The following SORBS2 variants were observed in gnomAD, a reference collection of about 807,000 sequenced individuals.
SORBS2 encodes sorbin and SH3 domain-containing protein 2.
A neutral mutation model predicts 97.7 loss-of-function variants in SORBS2; 46 were observed. The ratio of observed to expected loss-of-function variants is 0.47; its 90% confidence interval spans 0.37 to 0.60. The LOEUF is 0.60. Ranked by LOEUF, SORBS2 falls within the 20% of genes least tolerant of loss-of-function variation. The probability of loss-of-function intolerance (pLI) is 0.00; values close to 1 mark genes in which losing one functional copy is unlikely to be tolerated. For missense variants in SORBS2, 1,316 were observed against 1,282.3 expected (o/e 1.03, Z -0.40); for synonymous variants, 476 against 473.4 (o/e 1.01, Z -0.07).
intron 2 of SORBS2, among the ~76,000 whole-genome samples, chr4:185,760,099 G>A (rs760431379): frequency 6.6e-5 from 10 of 152,058 alleles, no homozygotes; most frequent in Non-Finnish European, 1.3e-4. Context: ...ACAGATTCTC[G>A]TTCTCCATCC....
At chr4:185,726,933 G>A (rs2098557802) in intron 2 of SORBS2, among the ~76,000 whole-genome samples, 4 of 152,114 alleles carry the variant, frequency 2.6e-5, no homozygotes, top group Admixed American at 2.6e-4. Context: ...GGAACATAGG[G>A]TCCTGTGGGT....
rs1375739386 is a variant in SORBS2 at position 185,638,300 on chromosome 4, G to A, written c.397-7702C>T. On this transcript the variant is annotated intron_variant, in intron 4 of 14. Transcript: ENST00000418609. ...TCTCACCCCACGAACCTCAGCAGGA[G>A]AGAACGGAGGAAGTAAAGTAAAACG... The A allele has an allele frequency of 4.6e-6, 3 of 655,508 alleles. No homozygotes were observed. The African/African-American group carries it at 5.4e-5, about 12-fold the overall frequency. The allele number at this position is 655,508 out of a possible 1,614,324, so 40.6% of individuals were successfully genotyped here. A position where few individuals can be genotyped will look rare whatever the true frequency, so the allele number is the denominator to read the frequency against.
intron 2 of SORBS2, among the ~76,000 whole-genome samples, chr4:185,715,522 A>T (rs1020200412): frequency 1.3e-5 from 2 of 152,160 alleles, no homozygotes; most frequent in South Asian, 2.1e-4. Context: ...CTGAAAATTT[A>T]AAATCAGAAA....
chr4:185,595,308 TAA>T (rs950467925), intron 12 of SORBS2, among the ~76,000 whole-genome samples: 6 of 152,294 alleles, frequency 3.9e-5, no homozygotes, highest in Admixed American at 2.6e-4. Context: ...AATTATGACT[TAA>T]GAGTGAAATA....
intron 1 of SORBS2, among the ~76,000 whole-genome samples, chr4:185,940,955 G>C (rs565235655): frequency 6.6e-6 from 1 of 152,226 alleles, no homozygotes; most frequent in South Asian, 2.1e-4. Context: ...GTTACTGGGA[G>C]TTGCTACTGG....
intron 1 of SORBS2, among the ~76,000 whole-genome samples, chr4:185,927,120 T>C (rs1355742407): frequency 1.3e-5 from 2 of 149,282 alleles, no homozygotes; most frequent in African/African-American, 4.9e-5. Context: ...GAATATTATA[T>C]GTATATAAAA....
At chr4:185,926,767 G>A (rs1195788651) in intron 1 of SORBS2, among the ~76,000 whole-genome samples, 1 of 151,998 alleles carries the variant, frequency 6.6e-6, no homozygotes, top group Admixed American at 6.6e-5. Flanking sequence ...GCTTTTTGAT[G>A]TGGCACAAGG....
chr4:185,857,350 C>T (rs1449910424), intron 1 of SORBS2, among the ~76,000 whole-genome samples: 1 of 152,120 alleles, frequency 6.6e-6, no homozygotes, highest in East Asian at 1.9e-4. Flanking sequence ...CCTGTCTTTA[C>T]TTTAATCTCT....
intron 1 of SORBS2, among the ~76,000 whole-genome samples, chr4:185,808,682 C>G (rs1357781006): frequency 6.6e-6 from 1 of 152,102 alleles, no homozygotes; most frequent in Non-Finnish European, 1.5e-5. Context: ...TACTTAGGAA[C>G]ATTAAAAGAA....
intron 4 of SORBS2, among the ~76,000 whole-genome samples, chr4:185,637,828 A>T (rs1028387052): frequency 6.6e-5 from 10 of 152,092 alleles, no homozygotes; most frequent in Admixed American, 3.3e-4. Flanking sequence ...CTACCTCAAG[A>T]TTTTGAACTT....
At chr4:185,631,701 G>C (rs967986804) in intron 4 of SORBS2, among the ~76,000 whole-genome samples, 1 of 152,182 alleles carries the variant, frequency 6.6e-6, no homozygotes, top group Non-Finnish European at 1.5e-5. Flanking sequence ...GGCAGAGGTT[G>C]CAGCGAGTCG....
intron 2 of SORBS2, among the ~76,000 whole-genome samples, chr4:185,700,863 T>C (rs2098251515): frequency 6.6e-6 from 1 of 152,190 alleles, no homozygotes; most frequent in Non-Finnish European, 1.5e-5. Context: ...TCATACCTAA[T>C]ATAGTCCTTC....
At chr4:185,747,673 C>G (rs2098771394) in intron 2 of SORBS2, among the ~76,000 whole-genome samples, 1 of 152,152 alleles carries the variant, frequency 6.6e-6, no homozygotes, top group Non-Finnish European at 1.5e-5. Context: ...CGTCCTCCCC[C>G]AGCCTGCACT....
intron 12 of SORBS2, among the ~76,000 whole-genome samples, chr4:185,603,154 C>T (rs771360008): frequency 2.6e-5 from 4 of 152,138 alleles, no homozygotes; most frequent in Admixed American, 6.5e-5. Flanking sequence ...CCTGATGCTA[C>T]GATGGTGCGT....
intron 3 of SORBS2, among the ~76,000 whole-genome samples, chr4:185,648,423 G>A (rs1271008815): frequency 6.6e-6 from 1 of 151,628 alleles, no homozygotes; most frequent in African/African-American, 2.4e-5. Context: ...GGAGTCGGAG[G>A]TTGCAGTGAG....
At chr4:185,806,621 C>T (rs1280471479) in intron 1 of SORBS2, among the ~76,000 whole-genome samples, 1 of 151,426 alleles carries the variant, frequency 6.6e-6, no homozygotes, top group Non-Finnish European at 1.5e-5. Flanking sequence ...CTACGCCCGG[C>T]TAATTTTTTG....
At chr4:185,722,768 A>G (rs370587920) in intron 2 of SORBS2, among the ~76,000 whole-genome samples, 41 of 152,224 alleles carry the variant, frequency 2.7e-4, no homozygotes, top group East Asian at 1.2e-3. Context: ...TTAAGTGCCT[A>G]CTAACCAGCA....
At chr4:185,775,942 A>G (rs1038636927) in intron 1 of SORBS2, 5 of 152,204 alleles carry the variant, frequency 3.3e-5, no homozygotes, top group African/African-American at 1.2e-4. Flanking sequence ...TCTCTTATCT[A>G]TTGGCAGAGA....
chr4:185,659,498 G>A (rs1351596428), upstream of SORBS2, among the ~76,000 whole-genome samples: 1 of 151,722 alleles, frequency 6.6e-6, no homozygotes, highest in Non-Finnish European at 1.5e-5. Context: ...CTCACTGCAA[G>A]CTCCACCTCC....
Sources: gnomAD v4.1 joint callset for allele counts (sites outside exome capture counted in the v4.1 genomes callset) on GRCh38, gnomAD v4.1.1 for gene constraint, MANE v1.5 for transcripts, NCBI Gene and HGNC (gene_info 2026-07-23, HGNC 2026-07-21) for gene names.